DNAH11: variants seen among roughly 807,000 people sequenced by gnomAD.
The protein encoded by DNAH11 is axonemal beta dynein heavy chain 11.
In DNAH11, 442 loss-of-function variants were observed where a neutral mutation model predicts 526.0. The ratio of observed to expected loss-of-function variants is 0.84; its 90% CI spans 0.78 to 0.91. The LOEUF is 0.91. Among genes scored for constraint, DNAH11 ranks in the 40% least tolerant of loss-of-function variants. The pLI is 0.00. For synonymous variants in DNAH11, 2,461 were observed against 1,935.9 expected (o/e 1.27, Z -7.12); for missense variants, 6,989 against 5,448.7 (o/e 1.28, Z -8.90).
intron 56 of DNAH11, 109 bp downstream of exon 56, chr7:21,774,108 A>T: frequency 9.7e-7 from 1 of 1,032,744 alleles, no homozygotes; most frequent in Non-Finnish European, 1.4e-6. Flanking sequence ...CCAGCTGGTG[A>T]AATTTACAGT....
chr7:21,550,539 T>C (rs1250775862), intron 2 of DNAH11, among the ~76,000 whole-genome samples: 2 of 151,386 alleles, frequency 1.3e-5, no homozygotes, highest in Non-Finnish European at 2.9e-5. Context: ...GGAGTGCTAC[T>C]GGGAGACATT....
In DNAH11 at chr7:21,765,369, T is replaced by G. The variant is rs750940037; in HGVS notation, c.8941-59T>G. The G allele has an allele frequency of 9.3e-6, 15 of 1,608,290 alleles. No individual in the cohort carries two copies. In the Admixed American group the frequency reaches 1.0e-4, roughly 11 times the overall value. The stretch of plus-strand genomic sequence containing the variant: ...TTTCTCTCATTGTCTAAGATTGCAA[T>G]GTAATTCTCTGCTCATTCATCACCC... On this transcript the variant is annotated intron_variant, in intron 54 of 81. Transcript: ENST00000409508.
chr7:21,644,889 A>T (rs1025081505), intron 28 of DNAH11, among the ~76,000 whole-genome samples: 1 of 152,260 alleles, frequency 6.6e-6, no homozygotes, highest in African/African-American at 2.4e-5. Context: ...TAAATGCCAT[A>T]AATTATATAT....
intron 76 of DNAH11, among the ~76,000 whole-genome samples, chr7:21,890,978 A>C (rs1048168702): frequency 6.6e-6 from 1 of 152,238 alleles, no homozygotes; most frequent in Non-Finnish European, 1.5e-5. Flanking sequence ...AATTCGCAGA[A>C]AGCAGTCGAG....
In DNAH11 at chr7:21,658,802, A is replaced by C. The variant is rs1478539154; in HGVS notation, c.5099A>C (p.Glu1700Ala). ...CATTTCAACTTGCTTCCAAAGGTGG[A>C]AACATGGCTTCTGCAACTTGAACAG... ...QAECECVGHV[E>A]TWLLQLEQTM... Residue 1700 changes from glutamate to alanine, a missense_variant, in exon 30 of 82, where the codon GAA (glutamate) becomes GCA (alanine). Physicochemically the swap from Glu to Ala is moderately radical, Grantham distance 107. Coordinates refer to ENST00000409508, the MANE Select transcript of DNAH11 (RefSeq NM_001277115.2). 4 of 1,573,540 alleles carry C rather than the reference A, an allele frequency of 2.5e-6. No homozygotes were observed. The Admixed American group carries it at 7.5e-5, about 29-fold the overall frequency.
chr7:21,750,346 G>T lies in DNAH11; in HGVS notation c.8922G>T (p.Arg2974Ser). The T allele has an allele frequency of 6.2e-7, 1 of 1,604,606 alleles. No individual in the cohort carries two copies. The highest frequency in any genetic ancestry group is 8.5e-7 in the Non-Finnish European group (1 of 1,175,464). The change falls in exon 54 of 82, where the codon AGG becomes AGT. Residue 2974 changes from arginine to serine, a missense_variant. Arg to Ser is a moderately radical substitution (Grantham distance 110). Coordinates refer to ENST00000409508, the MANE Select transcript of DNAH11 (RefSeq NM_001277115.2). ...RENCWKFFMARVRLQLKIILC... is the reference protein window; with the variant it reads ...RENCWKFFMASVRLQLKIILC... ...ACTGTTGGAAATTCTTTATGGCCAG[G>T]GTGCGACTACAGCTCAAAGTAAGAA...
At chr7:21,872,111 G>A (rs183917980) in intron 73 of DNAH11, among the ~76,000 whole-genome samples, 10,784 of 31,782 alleles carry the variant, frequency 0.34, 985 homozygotes, top group African/African-American at 0.47. Flanking sequence ...GTGACAGAGC[G>A]AGACTCTGTC....
chr7:21,579,211 T>C (rs1408519941), intron 8 of DNAH11, among the ~76,000 whole-genome samples: 1 of 152,230 alleles, frequency 6.6e-6, no homozygotes, highest in African/African-American at 2.4e-5. Flanking sequence ...AAGGCAATTA[T>C]GCAGTTTTCA....
Position 21,704,501 on chromosome 7 carries a change from T to A in DNAH11, c.6341T>A (p.Leu2114Gln). The change falls in exon 38 of 82, where the codon CTG becomes CAG. Residue 2114 changes from leucine (L) to glutamine (Q), a missense_variant. Leu to Gln is a moderately radical substitution (Grantham distance 113, BLOSUM62 -2). Transcript: ENST00000409508. ...KIVTDDIPVF[L>Q]GLVGDLFPAL... ...GTGACTGACGACATCCCAGTGTTTC[T>A]GGGCCTGGTCGGTGACCTGTTTCCA... The A allele has an allele frequency of 6.2e-7, 1 of 1,613,894 alleles. No homozygotes were observed. The highest frequency in any genetic ancestry group is 8.5e-7 in the Non-Finnish European group (1 of 1,179,842).
At chr7:21,757,307 A>G (rs939779103) in intron 54 of DNAH11, among the ~76,000 whole-genome samples, 1 of 152,246 alleles carries the variant, frequency 6.6e-6, no homozygotes, top group Admixed American at 6.5e-5. Context: ...TGGGAATGCC[A>G]TTAACTTTCC....
chr7:21,570,489 A>T, intron 7 of DNAH11, 190 bp downstream of exon 7: 1 of 473,266 alleles, frequency 2.1e-6, no homozygotes, highest in Non-Finnish European at 3.6e-6. Context: ...TTTAATTTGG[A>T]TTTTTTAAAA....
intron 40 of DNAH11, 137 bp downstream of exon 40, chr7:21,707,972 C>G (rs1379748325): frequency 2.4e-6 from 2 of 845,114 alleles, no homozygotes; most frequent in Non-Finnish European, 3.4e-6. Flanking sequence ...CAGATCACAA[C>G]AGCATTTATA....
intron 65 of DNAH11, among the ~76,000 whole-genome samples, chr7:21,825,115 C>A (rs189193225): frequency 6.6e-6 from 1 of 152,160 alleles, no homozygotes; most frequent in South Asian, 2.1e-4. Context: ...AAATGATCTG[C>A]CCACCTTGGC....
At chr7:21,841,611 G>C (rs1449360318) in intron 65 of DNAH11, among the ~76,000 whole-genome samples, 1 of 151,076 alleles carries the variant, frequency 6.6e-6, no homozygotes, top group Admixed American at 6.6e-5. Context: ...TGAGTGTGGG[G>C]GTGTGTGAGT....
chr7:21,894,849 G>C, intron 78 of DNAH11, 35 bp from the exon 79 acceptor site: 1 of 1,612,646 alleles, frequency 6.2e-7, no homozygotes, highest in Non-Finnish European at 8.5e-7. Context: ...CACATTGGAA[G>C]ATATTCACTG....
chr7:21,869,222 A>G (rs1783406293), intron 73 of DNAH11, among the ~76,000 whole-genome samples: 1 of 152,176 alleles, frequency 6.6e-6, no homozygotes, highest in Admixed American at 6.5e-5. Context: ...TAAAATTAAA[A>G]CTATTAGGAA....
At chr7:21,816,052 A>G (rs552137356) in intron 63 of DNAH11, among the ~76,000 whole-genome samples, 3 of 152,130 alleles carry the variant, frequency 2.0e-5, no homozygotes, top group East Asian at 3.9e-4. Flanking sequence ...TGGTCTGTAG[A>G]AAAAAAATGA....
At chr7:21,701,009 A>G (rs892344732) in intron 36 of DNAH11, among the ~76,000 whole-genome samples, 3 of 152,034 alleles carry the variant, frequency 2.0e-5, no homozygotes, top group South Asian at 2.1e-4. Flanking sequence ...CCTAATGTAG[A>G]TAACAGGTTG....
intron 65 of DNAH11, among the ~76,000 whole-genome samples, chr7:21,822,104 T>A (rs140224754): frequency 4.0e-4 from 61 of 152,306 alleles, no homozygotes; most frequent in African/African-American, 1.4e-3. Context: ...TACCCATTTG[T>A]ATTCATCTGT....
Sources: gnomAD v4.1 joint callset for allele counts (sites outside exome capture counted in the v4.1 genomes callset) on GRCh38, gnomAD v4.1.1 for gene constraint, MANE v1.5 for transcripts, NCBI Gene and HGNC (gene_info 2026-07-23, HGNC 2026-07-21) for gene names.